LHFPL6: variants seen among roughly 807,000 people sequenced by gnomAD.
LHFPL6 encodes the protein LHFPL tetraspan subfamily member 6 protein.
In LHFPL6, 9 loss-of-function variants were observed where a neutral mutation model predicts 20.6. The ratio of observed to expected loss-of-function variants is 0.44; its 90% CI spans 0.26 to 0.76. The LOEUF (loss-of-function observed/expected upper bound fraction) is 0.76, where lower values mean the gene tolerates loss of function less well. Ranked by LOEUF, LHFPL6 falls within the 30% of genes least tolerant of loss-of-function variation. The probability of loss-of-function intolerance (pLI) is 0.20; values close to 1 mark genes in which losing one functional copy is unlikely to be tolerated. For synonymous variants in LHFPL6, 105 were observed against 98.7 expected, an observed-to-expected ratio of 1.06 and a Z score of -0.38; for missense variants, 218 against 253.5, an observed-to-expected ratio of 0.86 and a Z score of 0.95.
At chr13:39,548,882 A>G (rs2138510248) in intron 2 of LHFPL6, among the ~76,000 whole-genome samples, 1 of 152,226 alleles carries the variant, frequency 6.6e-6, no homozygotes, top group Admixed American at 6.5e-5. Context: ...CATCAAAAGC[A>G]TAATCCACAA....
At chr13:39,595,044 C>A (rs952277384) in intron 2 of LHFPL6, among the ~76,000 whole-genome samples, 3 of 151,974 alleles carry the variant, frequency 2.0e-5, no homozygotes, top group Non-Finnish European at 4.4e-5. Context: ...GTGCAGCACA[C>A]CAACATGGCA....
intron 2 of LHFPL6, among the ~76,000 whole-genome samples, chr13:39,464,662 A>T (rs1166620420): frequency 6.6e-6 from 1 of 151,138 alleles, no homozygotes; most frequent in Non-Finnish European, 1.5e-5. Flanking sequence ...GAAAGACTCA[A>T]TGTAGATAAA....
intron 3 of LHFPL6, among the ~76,000 whole-genome samples, chr13:39,369,377 T>C (rs1038119064): frequency 1.3e-5 from 2 of 152,160 alleles, no homozygotes; most frequent in African/African-American, 4.8e-5. Flanking sequence ...CAATTTTTTT[T>C]CCACCTATCA....
At chr13:39,540,715 A>G (rs917043118) in intron 2 of LHFPL6, among the ~76,000 whole-genome samples, 1 of 152,170 alleles carries the variant, frequency 6.6e-6, no homozygotes, top group African/African-American at 2.4e-5. Flanking sequence ...CTTCCCTAAG[A>G]GTTGAAACAA....
At chr13:39,440,526 C>T (rs2138413198) in intron 2 of LHFPL6, among the ~76,000 whole-genome samples, 1 of 152,252 alleles carries the variant, frequency 6.6e-6, no homozygotes, top group Non-Finnish European at 1.5e-5. Context: ...TACATAGGCA[C>T]TTTCTTTGAC....
At chr13:39,371,637 G>T (rs1870169741) in intron 3 of LHFPL6, among the ~76,000 whole-genome samples, 1 of 152,212 alleles carries the variant, frequency 6.6e-6, no homozygotes, top group South Asian at 2.1e-4. Flanking sequence ...AGGCTACACT[G>T]ATGATAGGAC....
chr13:39,475,292 G>C (rs943406240), intron 2 of LHFPL6, among the ~76,000 whole-genome samples: 1 of 152,166 alleles, frequency 6.6e-6, no homozygotes, highest in East Asian at 1.9e-4. Context: ...ATCATGTGTA[G>C]ATGCTTGTAC....
intron 2 of LHFPL6, among the ~76,000 whole-genome samples, chr13:39,584,121 T>C (rs1180736632): frequency 6.6e-6 from 1 of 152,220 alleles, no homozygotes; most frequent in East Asian, 1.9e-4. Flanking sequence ...TGATTAATGT[T>C]TGTCTCTCTT....
chr13:39,532,590 C>G (rs866031750), intron 2 of LHFPL6, among the ~76,000 whole-genome samples: 27 of 152,146 alleles, frequency 1.8e-4, no homozygotes, highest in Middle Eastern at 6.8e-3. Flanking sequence ...TTCCTCTAGA[C>G]CTTTAAAATA....
At chr13:39,459,546 G>C (rs1415214218) in intron 2 of LHFPL6, among the ~76,000 whole-genome samples, 1 of 152,092 alleles carries the variant, frequency 6.6e-6, no homozygotes. Context: ...ACATTAAGGA[G>C]AAACAACTAC....
intron 3 of LHFPL6, among the ~76,000 whole-genome samples, chr13:39,363,596 G>GAGA (rs1254799376): frequency 1.3e-5 from 2 of 152,096 alleles, no homozygotes; most frequent in Non-Finnish European, 2.9e-5. Context: ...CTTTCCCAAT[G>GAGA]AGAACACTGC....
intron 2 of LHFPL6, among the ~76,000 whole-genome samples, chr13:39,506,233 TAATAGATGTGATTAGGAA>T (rs1370229415): frequency 6.6e-6 from 1 of 152,194 alleles, no homozygotes; most frequent in Non-Finnish European, 1.5e-5. Flanking sequence ...ACAGTGCGGT[TAATAGATGTGATTAGGAA>T]AACAAGAAGA....
rs191712501 is a variant in LHFPL6, at chr13:39,406,586, A to T, written c.386-28060T>A. On this transcript the variant is annotated intron_variant, in intron 2 of 3. Transcript: ENST00000379589. ...GTACAAACACGGTGGATCCTAAGTT[A>T]TCTCAAGTTGTTCAATATTTTTGAT... Among the ~76,000 whole-genome samples, 6 of 143,666 alleles carry T rather than the reference A, an allele frequency of 4.2e-5. No homozygotes were observed. In the East Asian group the frequency reaches 1.2e-3, roughly 29 times the overall value. The allele number at this position is 143,666 out of a possible 152,430, so 94.3% of individuals were successfully genotyped here. A position where few individuals can be genotyped will look rare whatever the true frequency, so the allele number is the denominator to read the frequency against.
intron 2 of LHFPL6, among the ~76,000 whole-genome samples, chr13:39,542,487 T>A (rs1172036370): frequency 6.6e-6 from 1 of 152,194 alleles, no homozygotes; most frequent in South Asian, 2.1e-4. Context: ...CACCATAGAA[T>A]GTCTTTCCCA....
intron 2 of LHFPL6, among the ~76,000 whole-genome samples, chr13:39,575,019 C>T (rs1872068850): frequency 6.6e-6 from 1 of 151,812 alleles, no homozygotes; most frequent in Non-Finnish European, 1.5e-5. Context: ...TGCAGTGAGC[C>T]GAGATAGCGC....
At chr13:39,539,420 G>C (rs184331121) in intron 2 of LHFPL6, among the ~76,000 whole-genome samples, 2 of 152,078 alleles carry the variant, frequency 1.3e-5, no homozygotes, top group African/African-American at 4.8e-5. Context: ...AGTGATCTCT[G>C]GTCCTGGAGC....
chr13:39,362,277 C>T (rs1264156787), intron 3 of LHFPL6, among the ~76,000 whole-genome samples: 1 of 152,176 alleles, frequency 6.6e-6, no homozygotes, highest in Admixed American at 6.5e-5. Context: ...AACACCTCCC[C>T]CTTTCTCTCT....
chr13:39,533,954 T>G (rs1435317325), intron 2 of LHFPL6, among the ~76,000 whole-genome samples: 1 of 152,168 alleles, frequency 6.6e-6, no homozygotes, highest in Non-Finnish European at 1.5e-5. Context: ...GCTCACATCC[T>G]CAGTATAAAA....
intron 3 of LHFPL6, among the ~76,000 whole-genome samples, chr13:39,350,383 A>T (rs190037361): frequency 6.6e-6 from 1 of 152,344 alleles, no homozygotes; most frequent in Non-Finnish European, 1.5e-5. Flanking sequence ...TCTGAGCATG[A>T]TCCTATTGTT....
Sources: allele counts gnomAD v4.1 joint callset (sites outside exome capture counted in the v4.1 genomes callset), GRCh38; gene constraint gnomAD v4.1.1; transcripts MANE v1.5; gene names NCBI Gene and HGNC (gene_info 2026-07-23, HGNC 2026-07-21).